MYDGF: variants seen among roughly 807,000 people sequenced by gnomAD.
MYDGF encodes myeloid derived growth factor, also known as myeloid-derived growth factor.
MYDGF carries 29 observed loss-of-function variants against 24.2 expected under a neutral mutation model. The ratio of observed to expected loss-of-function variants is 1.20; its 90% confidence interval spans 0.89 to 1.63. The LOEUF (loss-of-function observed/expected upper bound fraction) is 1.63, where lower values mean the gene tolerates loss of function less well. Ranked by LOEUF, MYDGF falls within the 40% of genes most tolerant of loss-of-function variation. The pLI is 0.00. For synonymous variants in MYDGF, 105 were observed against 102.5 expected, an observed-to-expected ratio of 1.02 and a Z score of -0.15; for missense variants, 245 against 234.8, an observed-to-expected ratio of 1.04 and a Z score of -0.29.
At chr19:4,664,987 G>A (rs375800819) in intron 2 of MYDGF, 50 bp from the exon 3 acceptor site, 77 of 1,587,472 alleles carry the variant, frequency 4.9e-5, no homozygotes, top group Middle Eastern at 3.3e-4. Context: ...AGCTGCTCTC[G>A]GAGACTTCTA....
intron 5 of MYDGF, 34 bp downstream of exon 5, chr19:4,659,897 G>C: frequency 6.3e-7 from 1 of 1,599,412 alleles, no homozygotes; most frequent in Non-Finnish European, 8.6e-7. Flanking sequence ...GATGGGGGTG[G>C]CGTCACCTCT....
chr19:4,668,468 T>C, intron 2 of MYDGF, 127 bp downstream of exon 2: 1 of 741,406 alleles, frequency 1.3e-6, no homozygotes, highest in South Asian at 1.6e-5. Context: ...TTTATTGGTT[T>C]AGGAAGAGTC....
At chr19:4,666,825 G>T (rs938605450) in intron 2 of MYDGF, among the ~76,000 whole-genome samples, 1 of 152,120 alleles carries the variant, frequency 6.6e-6, no homozygotes. Context: ...CAGCACTTTG[G>T]GAGGCCGAGG....
chr19:4,658,583 C>T (rs1027569134), intron 5 of MYDGF, among the ~76,000 whole-genome samples: 2 of 152,132 alleles, frequency 1.3e-5, no homozygotes, highest in Admixed American at 1.3e-4. Flanking sequence ...CCCTTGGCTC[C>T]CACCCTTGCC....
At chr19:4,666,790 C>T (rs370535549) in intron 2 of MYDGF, among the ~76,000 whole-genome samples, 16 of 152,142 alleles carry the variant, frequency 1.1e-4, no homozygotes, top group African/African-American at 3.6e-4. Flanking sequence ...GGAGGCCGGG[C>T]ACCGGTGGCT....
chr19:4,666,005 T>C (rs1599839514), intron 2 of MYDGF, among the ~76,000 whole-genome samples: 1 of 150,994 alleles, frequency 6.6e-6, no homozygotes, highest in African/African-American at 2.4e-5. Flanking sequence ...TCGGTGGAGC[T>C]GCAACAGGTA....
Position 4,660,695 on chromosome 19 carries a change from C to T in MYDGF, c.343G>A (p.Ala115Thr), listed in dbSNP as rs752484925. The T allele has an allele frequency of 1.8e-5, 29 of 1,613,950 alleles. No homozygotes were observed. Among genetic ancestry groups the T allele is most frequent in the African/African-American group, 4.0e-5 (3 of 74,912 alleles). ...TAGGCCATGGCGTACTCAATCTCAG[C>T]GCCCCGCACCTCTGCCTTGAACTGT... ...FTQFKAEVRG[A>T]EIEYAMAYSK... The change falls in exon 4 of 6, where the codon GCT (alanine) becomes ACT (threonine). Residue 115 changes from alanine (A) to threonine (T), a missense_variant. Ala to Thr is a moderately conservative substitution (Grantham distance 58, BLOSUM62 0). Transcript: ENST00000262947.
In MYDGF at chr19:4,657,633, T is replaced by G. The variant is rs545828446; in HGVS notation, c.*372A>C. The G allele has an allele frequency of 5.7e-6, 1 of 175,156 alleles. No individual in the cohort carries two copies. The highest frequency in any genetic ancestry group is 6.1e-5 in the Admixed American group (1 of 16,480). 10.9% of individuals were successfully genotyped at this position (175,156 alleles called of 1,614,324 possible). On this transcript the variant is annotated 3_prime_UTR_variant, in exon 6 of 6. Coordinates refer to ENST00000262947, the MANE Select transcript of MYDGF (RefSeq NM_019107.4). ...TGAAAGGAGGTCCCCTGGGTAAACA[T>G]AGGAAAGCAGTTCTGCAGGCTCATG...
chr19:4,668,658 A>C lies in MYDGF; in HGVS notation c.175-13T>G, dbSNP rs1361091084. 8.1e-6 allele frequency: 13 copies of C among 1,610,044 alleles called. No homozygotes were observed. Among genetic ancestry groups the C allele is most frequent in the Non-Finnish European group, 1.0e-5 (12 of 1,177,378 alleles). On this transcript the variant is annotated splice_polypyrimidine_tract_variant and intron_variant, in intron 1 of 5. Transcript: ENST00000262947. ...ACGTATATTTGTCCTAGAGAATGGA[A>C]GGAAAAAAAAGGTTTGGTAGAAGGA...
intron 3 of MYDGF, among the ~76,000 whole-genome samples, chr19:4,662,902 C>G (rs1193421334): frequency 6.6e-6 from 1 of 151,996 alleles, no homozygotes; most frequent in Non-Finnish European, 1.5e-5. Flanking sequence ...CCAGTTCCAC[C>G]AGGACTCTGC....
At chr19:4,660,037 C>T (rs1257071326) in intron 4 of MYDGF, 34 bp from the exon 5 acceptor site, 3 of 1,554,054 alleles carry the variant, frequency 1.9e-6, no homozygotes, top group South Asian at 1.1e-5. Flanking sequence ...TTACCAGGGC[C>T]AGTTCAATGC....
rs915219324 is a variant in MYDGF, at chr19:4,668,191, T to C, written c.225+404A>G. On this transcript the variant is annotated intron_variant, in intron 2 of 5. Transcript: ENST00000262947. ...ATCTGCCCGCCTCAGCCTCCCAAAA[T>C]ACCTTGAGTTTGGTTTTATGAAGCA... Among the ~76,000 whole-genome samples the C allele has an allele frequency of 9.9e-5, 15 of 152,204 alleles. 1 individual carries two copies. The highest frequency in any genetic ancestry group is 9.8e-4 in the Admixed American group (15 of 15,278).
chr19:4,659,821 G>T (rs763175256), intron 5 of MYDGF, 110 bp downstream of exon 5: 1 of 910,578 alleles, frequency 1.1e-6, no homozygotes, highest in South Asian at 1.3e-5. Context: ...TGGATGCCTG[G>T]TCTACAGTCT....
At chr19:4,664,637 C>T (rs1414386669) in intron 3 of MYDGF, among the ~76,000 whole-genome samples, 3 of 152,148 alleles carry the variant, frequency 2.0e-5, no homozygotes, top group Non-Finnish European at 4.4e-5. Context: ...GACCTTGCCC[C>T]GCACAGGCTC....
intron 3 of MYDGF, 104 bp from the exon 4 acceptor site, chr19:4,660,854 T>G (rs1599836168): frequency 2.4e-6 from 2 of 827,958 alleles, no homozygotes; most frequent in Non-Finnish European, 3.7e-6. Context: ...GGTCAGCAGG[T>G]CTCGTGCCTG....
intron 2 of MYDGF, among the ~76,000 whole-genome samples, chr19:4,666,433 G>A (rs944962564): frequency 1.3e-5 from 2 of 151,898 alleles, no homozygotes; most frequent in South Asian, 2.1e-4. Context: ...GTGCCACCAC[G>A]CCCTGCTAAC....
In MYDGF at chr19:4,660,637, ACCCGGAGCCTGC is replaced by A; in HGVS notation, c.369+20_369+31del. ...AGCTGCCCCAGTGCACAGAAGCCACACCCGGAGCCTGCCCCACTCCAAGATACTCACGTAGGC... is the reference window on the plus strand; with the variant it reads ...AGCTGCCCCAGTGCACAGAAGCCACACCCACTCCAAGATACTCACGTAGGC... On this transcript the variant is annotated intron_variant, in intron 4 of 5. Coordinates refer to ENST00000262947, the MANE Select transcript of MYDGF (RefSeq NM_019107.4). 1 of 1,595,788 alleles carries A rather than the reference ACCCGGAGCCTGC, an allele frequency of 6.3e-7. No homozygotes were observed. Among genetic ancestry groups the A allele is most frequent in the Non-Finnish European group, 8.6e-7 (1 of 1,163,926 alleles).
At chr19:4,665,111 T>C (rs1363932922) in intron 2 of MYDGF, among the ~76,000 whole-genome samples, 174 bp from the exon 3 acceptor site, 1 of 152,194 alleles carries the variant, frequency 6.6e-6, no homozygotes, top group Admixed American at 6.5e-5. Flanking sequence ...CTGTCATCTG[T>C]GATCAGGGAG....
intron 5 of MYDGF, among the ~76,000 whole-genome samples, chr19:4,658,808 A>T (rs2088445500): frequency 6.6e-6 from 1 of 151,950 alleles, no homozygotes; most frequent in Non-Finnish European, 1.5e-5. Flanking sequence ...TTTAAAATTT[A>T]TTATTTTTTT....
Sources: gnomAD v4.1 joint callset for allele counts (sites outside exome capture counted in the v4.1 genomes callset) on GRCh38, gnomAD v4.1.1 for gene constraint, MANE v1.5 for transcripts, NCBI Gene and HGNC (gene_info 2026-07-23, HGNC 2026-07-21) for gene names.